Variants in TJP2 observed in about 807,000 individuals in gnomAD.
TJP2 encodes the protein Friedreich ataxia region gene X104 (tight junction protein ZO-2).
In TJP2, 91 loss-of-function variants were observed where a neutral mutation model predicts 133.1. That is an observed-to-expected ratio of 0.68 (90% CI 0.58 to 0.81). The LOEUF is 0.81. Ranked by LOEUF, TJP2 falls within the 40% of genes least tolerant of loss-of-function variation. TJP2 has a pLI of 0.00. For synonymous variants in TJP2, 592 were observed against 583.4 expected (o/e 1.01, Z -0.21); for missense variants, 1,541 against 1,565.6 (o/e 0.98, Z 0.26).
intron 1 of TJP2, among the ~76,000 whole-genome samples, chr9:69,191,883 C>A (rs942489415): frequency 1.3e-5 from 2 of 150,992 alleles, no homozygotes; most frequent in Admixed American, 1.3e-4. Flanking sequence ...ATTATAGGCA[C>A]GTACCACCAC....
chr9:69,145,885 C>T, intron 1 of TJP2: 2 of 1,057,968 alleles, frequency 1.9e-6, no homozygotes, highest in South Asian at 4.9e-5. Context: ...TTTGGGGACC[C>T]ATATAGAAAA....
In TJP2 at chr9:69,225,929, G is replaced by A. The variant is rs1829310414; in HGVS notation, c.1057-93G>A. ...AGCCAATATCTGTTTGAATATCTGA[G>A]CAAAGCCTTTACATTTTTAGAAGGG... On this transcript the variant is annotated intron_variant, in intron 6 of 22. Transcript: ENST00000377245. 4 of 1,374,604 alleles carry A rather than the reference G, an allele frequency of 2.9e-6. No homozygotes were observed. In the South Asian group the frequency reaches 3.6e-5, roughly 12 times the overall value. 85.2% of individuals were successfully genotyped at this position (1,374,604 alleles called of 1,614,324 possible).
chr9:69,248,182 G>T lies in TJP2; in HGVS notation c.2838G>T (p.Val946=). The change falls in exon 19 of 23, where the codon GTG becomes GTT. Residue 946 remains valine, a synonymous_variant. Coordinates refer to ENST00000377245, the MANE Select transcript of TJP2 (RefSeq NM_004817.4). ...ELDEPAEEPL[V]SSITRSSEPV... Reference sequence around the variant, plus strand: ...ATGAGCCAGCCGAGGAGCCGCTGGTGTCGTCCATCACCCGCTCCTCGGAGC... The same window carrying T: ...ATGAGCCAGCCGAGGAGCCGCTGGTTTCGTCCATCACCCGCTCCTCGGAGC... 1 of 1,612,806 alleles carries T rather than the reference G, an allele frequency of 6.2e-7. No homozygotes were observed. The highest frequency in any genetic ancestry group is 8.5e-7 in the Non-Finnish European group (1 of 1,179,356).
chr9:69,244,227 T>G (rs1830772485), intron 17 of TJP2, among the ~76,000 whole-genome samples: 1 of 151,570 alleles, frequency 6.6e-6, no homozygotes, highest in Non-Finnish European at 1.5e-5. Context: ...TCAGTGGGCT[T>G]TAGTATATTC....
At chr9:69,136,214 CAAA>C (rs978804054) in intron 1 of TJP2, among the ~76,000 whole-genome samples, 1 of 151,906 alleles carries the variant, frequency 6.6e-6, no homozygotes, top group Admixed American at 6.6e-5. Flanking sequence ...GAACTGCTGA[CAAA>C]AAAATATGTT....
At chr9:69,248,631 TA>T (rs2133471096) in intron 19 of TJP2, 1 of 1,093,794 alleles carries the variant, frequency 9.1e-7, no homozygotes, top group Admixed American at 4.9e-5. Flanking sequence ...TTAACCTTTC[TA>T]ATCTTGCCAA....
intron 1 of TJP2, among the ~76,000 whole-genome samples, chr9:69,206,286 C>T (rs1168388283): frequency 3.3e-5 from 5 of 152,094 alleles, no homozygotes; most frequent in South Asian, 2.1e-4. Context: ...TCTGCATACA[C>T]CTCCCCCCAC....
At chr9:69,136,061 C>T (rs934683756) in intron 1 of TJP2, among the ~76,000 whole-genome samples, 2 of 152,092 alleles carry the variant, frequency 1.3e-5, no homozygotes, top group Non-Finnish European at 2.9e-5. Flanking sequence ...TAGGCTATCT[C>T]AGAATGCTCA....
chr9:69,151,707 G>A, exon 2 of TJP2: 2 of 1,232,052 alleles, frequency 1.6e-6, no homozygotes, highest in Non-Finnish European at 1.0e-6. Flanking sequence ...CACCCCGGCT[G>A]CAGCTCCAGG....
At chr9:69,189,629 T>C (rs1826077442) in intron 1 of TJP2, among the ~76,000 whole-genome samples, 1 of 17,110 alleles carries the variant, frequency 5.8e-5, no homozygotes, top group Non-Finnish European at 1.3e-4. Flanking sequence ...CAGTGGAGAC[T>C]CCACTTTTTT....
At chr9:69,164,807 G>C (rs925640735) in intron 2 of TJP2, among the ~76,000 whole-genome samples, 3 of 152,142 alleles carry the variant, frequency 2.0e-5, no homozygotes, top group Non-Finnish European at 4.4e-5. Flanking sequence ...AATGGGCTTT[G>C]AATCTGACAG....
intron 3 of TJP2, among the ~76,000 whole-genome samples, 171 bp from the exon 4 acceptor site, chr9:69,218,086 C>T (rs1199837010): frequency 6.6e-6 from 1 of 152,208 alleles, no homozygotes; most frequent in Non-Finnish European, 1.5e-5. Flanking sequence ...CCCCCAGTTC[C>T]TTTCTTTGGA....
In TJP2 at chr9:69,129,066, C is replaced by T. The variant is rs190316349; in HGVS notation, c.-131+7341C>T. On this transcript the variant is annotated intron_variant, in intron 1 of 5. Coordinates refer to the TJP2 transcript ENST00000423935. Reference sequence around the variant, plus strand: ...TGAAGAATTAATGAATACGTAGTTTCTTGGGGTTGATGGGGAGTACGTAAG... The same window carrying T: ...TGAAGAATTAATGAATACGTAGTTTTTTGGGGTTGATGGGGAGTACGTAAG... Among the ~76,000 whole-genome samples the T allele has an allele frequency of 3.8e-3, 580 of 152,286 alleles. 6 individuals are homozygous for T. The highest frequency in any genetic ancestry group is 0.013 in the African/African-American group (537 of 41,562).
chr9:69,153,664 A>G (rs2133352836), intron 2 of TJP2, among the ~76,000 whole-genome samples: 1 of 152,338 alleles, frequency 6.6e-6, no homozygotes, highest in Middle Eastern at 3.4e-3. Context: ...GAGGGGTACT[A>G]TAGAGTATGG....
At chr9:69,122,912 T>C (rs576713586) in intron 1 of TJP2, among the ~76,000 whole-genome samples, 1 of 152,264 alleles carries the variant, frequency 6.6e-6, no homozygotes, top group Admixed American at 6.5e-5. Flanking sequence ...CGTTTCCTGG[T>C]GAGGAACCTG....
Position 69,227,961 on chromosome 9 carries a change from A to G in TJP2, c.1320-20A>G. The G allele has an allele frequency of 1.2e-6, 2 of 1,614,210 alleles. No homozygotes were observed. The highest frequency in any genetic ancestry group is 2.2e-5 in the South Asian group (2 of 91,084). On this transcript the variant is annotated intron_variant, in intron 8 of 22. Coordinates refer to ENST00000377245, the MANE Select transcript of TJP2 (RefSeq NM_004817.4). The stretch of plus-strand genomic sequence containing the variant: ...GAAACTGTTATCTCTTGAGACATTT[A>G]CGTATGACATGTGATTCAGTTCCAG...
At chr9:69,244,685 G>A (rs1209449201) in intron 17 of TJP2, among the ~76,000 whole-genome samples, 1 of 152,240 alleles carries the variant, frequency 6.6e-6, no homozygotes, top group Non-Finnish European at 1.5e-5. Flanking sequence ...ATTCAGCAGA[G>A]TCAAGGGAAG....
In TJP2 at chr9:69,236,224, C is replaced by A. The variant is rs781309494; in HGVS notation, c.1977C>A (p.Ile659=). 3 of 1,613,974 alleles carry A rather than the reference C, an allele frequency of 1.9e-6. No individual in the cohort carries two copies. The South Asian group carries it at 3.3e-5, about 18-fold the overall frequency. ...RIGNELEKGL[I]PNKSRAEQMA... is the part of the protein sequence containing the mutation. ...GGAACGAGTTGGAGAAAGGCTTAAT[C>A]CCCAACAAGAGCAGGTAACAGAGAT... is the stretch of plus-strand genomic sequence containing the variant. The change falls in exon 13 of 23, where the codon ATC becomes ATA. Residue 659 remains isoleucine, a synonymous_variant. Transcript: ENST00000377245.
chr9:69,210,139 A>AT (rs2133192050), intron 1 of TJP2, among the ~76,000 whole-genome samples: 1 of 151,950 alleles, frequency 6.6e-6, no homozygotes, highest in African/African-American at 2.4e-5. Context: ...ATACAAAAAA[A>AT]TGAGCTGGGT....
Sources: allele counts gnomAD v4.1 joint callset (sites outside exome capture counted in the v4.1 genomes callset), GRCh38; gene constraint gnomAD v4.1.1; transcripts MANE v1.5; gene names NCBI Gene and HGNC (gene_info 2026-07-23, HGNC 2026-07-21).